TLN2: variants seen among roughly 807,000 people sequenced by gnomAD.
TLN2 encodes the protein talin 2, also known as talin-2.
In TLN2, 118 loss-of-function variants were observed where a neutral mutation model predicts 294.7. That is an observed-to-expected ratio of 0.40 (90% CI 0.34 to 0.47). The LOEUF is 0.47. Ranked by LOEUF, TLN2 falls within the 20% of genes least tolerant of loss-of-function variation. The pLI is 0.84. For synonymous variants in TLN2, 1,431 were observed against 1,304.5 expected (o/e 1.10, Z -2.09); for missense variants, 3,083 against 3,282.2 (o/e 0.94, Z 1.48).
chr15:62,746,242 T>G (rs1015133551), intron 32 of TLN2, among the ~76,000 whole-genome samples: 1 of 152,216 alleles, frequency 6.6e-6, no homozygotes, highest in Admixed American at 6.5e-5. Flanking sequence ...AGCACATATG[T>G]TGATATATGC....
At chr15:62,754,775 A>G (rs942922323) in intron 36 of TLN2, 2 of 152,352 alleles carry the variant, frequency 1.3e-5, no homozygotes, top group Non-Finnish European at 2.9e-5. Context: ...GCAAAGCAGA[A>G]CAGGTGGATT....
intron 51 of TLN2, among the ~76,000 whole-genome samples, chr15:62,808,427 T>C (rs1567651443): frequency 6.6e-6 from 1 of 152,252 alleles, no homozygotes; most frequent in Non-Finnish European, 1.5e-5. Context: ...TAAACATCTT[T>C]GGGCATATCT....
intron 1 of TLN2, among the ~76,000 whole-genome samples, chr15:62,501,310 A>G (rs2039294259): frequency 6.6e-6 from 1 of 152,160 alleles, no homozygotes. Context: ...TGAGCAGGCC[A>G]CATGTGTCTC....
At chr15:62,414,568 G>C (rs2033973469) in intron 1 of TLN2, among the ~76,000 whole-genome samples, 1 of 140,822 alleles carries the variant, frequency 7.1e-6, no homozygotes, top group Non-Finnish European at 1.5e-5. Flanking sequence ...GTTTTAACAA[G>C]TTCTCAGGGG....
chr15:62,767,075 C>T (rs1288097305), intron 41 of TLN2, among the ~76,000 whole-genome samples: 2 of 152,130 alleles, frequency 1.3e-5, no homozygotes, highest in African/African-American at 2.4e-5. Context: ...TTTTTAACCA[C>T]CTTGGGTTTC....
In TLN2 at chr15:62,763,663, A is replaced by C. The variant is rs1435550666; in HGVS notation, c.5062A>C (p.Ser1688Arg). 1.2e-6 allele frequency: 2 copies of C among 1,612,472 alleles called. No individual in the cohort carries two copies. The highest frequency in any genetic ancestry group is 1.7e-5 in the Admixed American group (1 of 59,918). Residue 1688 changes from serine to arginine, a missense_variant, in exon 40 of 59, where the codon AGC becomes CGC. Ser to Arg is a moderately radical substitution (Grantham distance 110). Coordinates refer to ENST00000636159, the MANE Select transcript of TLN2 (RefSeq NM_015059.3). The stretch of plus-strand genomic sequence containing the variant: ...GGCCTCGCTGGCCGCCGTCAGCCAG[A>C]GCCTGGCCACGAGGGACGACATCTC... ...EQASLAAVSQ[S>R]LATRDDISVE...
intron 32 of TLN2, among the ~76,000 whole-genome samples, chr15:62,746,386 G>C (rs944888229): frequency 6.6e-6 from 1 of 152,168 alleles, no homozygotes; most frequent in Non-Finnish European, 1.5e-5. Context: ...TTGTCCGGCT[G>C]TCTCCTTGTT....
At chr15:62,431,131 A>C (rs1479867784) in intron 1 of TLN2, among the ~76,000 whole-genome samples, 1 of 152,082 alleles carries the variant, frequency 6.6e-6, no homozygotes, top group African/African-American at 2.4e-5. Context: ...ACAGGTAAAC[A>C]TCTCTCTGAA....
chr15:62,761,682 C>G lies in TLN2; in HGVS notation c.4640C>G (p.Ala1547Gly), dbSNP rs1434268589. The change falls in exon 38 of 59, where the codon GCC becomes GGC. Residue 1547 changes from alanine to glycine, a missense_variant and splice_region_variant. Physicochemically the swap from Ala to Gly is moderately conservative, Grantham distance 60. Coordinates refer to ENST00000636159, the MANE Select transcript of TLN2 (RefSeq NM_015059.3). ...AATCTCCCTGTTTTCTCCCATCAGG[C>G]CCTGGATGGGGATTTCTCTGAAGAC... ...STANLVKTIK[A>G]LDGDFSEDNR... 2 of 1,614,030 alleles carry G rather than the reference C, an allele frequency of 1.2e-6. No homozygotes were observed. Among genetic ancestry groups the G allele is most frequent in the East Asian group, 4.5e-5 (2 of 44,900 alleles).
intron 28 of TLN2, among the ~76,000 whole-genome samples, chr15:62,735,744 G>C (rs1375266139): frequency 1.3e-5 from 2 of 152,128 alleles, no homozygotes; most frequent in Non-Finnish European, 2.9e-5. Context: ...ATATCTAAGA[G>C]AAGTGATCCC....
At chr15:62,537,495 A>G (rs902356787) in intron 1 of TLN2, among the ~76,000 whole-genome samples, 3 of 152,240 alleles carry the variant, frequency 2.0e-5, no homozygotes, top group Non-Finnish European at 4.4e-5. Flanking sequence ...GAGTAATGCC[A>G]TAAAGTATCT....
chr15:62,640,774 A>G (rs1287805208), intron 3 of TLN2, among the ~76,000 whole-genome samples: 2 of 152,178 alleles, frequency 1.3e-5, no homozygotes, highest in African/African-American at 4.8e-5. Context: ...GAATAAACAC[A>G]GGAACTATGT....
chr15:62,742,874 G>A (rs2061419031), intron 32 of TLN2, among the ~76,000 whole-genome samples: 2 of 152,190 alleles, frequency 1.3e-5, no homozygotes, highest in South Asian at 2.1e-4. Flanking sequence ...AGAGGGTCAG[G>A]CAGGCTCCTC....
At chr15:62,593,947 T>A (rs1392899512) in intron 2 of TLN2, among the ~76,000 whole-genome samples, 2 of 152,160 alleles carry the variant, frequency 1.3e-5, no homozygotes, top group African/African-American at 2.4e-5. Flanking sequence ...ATTTAAAAAA[T>A]TTAATCAAAA....
intron 2 of TLN2, among the ~76,000 whole-genome samples, chr15:62,610,042 T>C (rs2047790649): frequency 6.6e-6 from 1 of 152,228 alleles, no homozygotes; most frequent in Non-Finnish European, 1.5e-5. Flanking sequence ...AGACTCATCT[T>C]GTACTTACCC....
rs1491249776 is a variant in TLN2, at chr15:62,551,547, C to CAT, written c.-237-38139_-237-38138insTA. Among the ~76,000 whole-genome samples, 4 of 138,400 alleles carry CAT rather than the reference C, an allele frequency of 2.9e-5. No homozygotes were observed. The Admixed American group carries it at 2.9e-4, about 10-fold the overall frequency. The allele number at this position is 138,400 out of a possible 152,430, so 90.8% of individuals were successfully genotyped here. A position where few individuals can be genotyped will look rare whatever the true frequency, so the allele number is the denominator to read the frequency against. On this transcript the variant is annotated intron_variant, in intron 1 of 58. Transcript: ENST00000636159. Reference sequence around the variant, plus strand: ...ACACACACACACACACACACACACACAAATAGCCAGATGTGGTGGCAGGCA... The same window carrying CAT: ...ACACACACACACACACACACACACACATAAATAGCCAGATGTGGTGGCAGGCA...
In TLN2 at chr15:62,780,067, C is replaced by T. The variant is rs117691530; in HGVS notation, c.5515-1073C>T. On this transcript the variant is annotated intron_variant, in intron 43 of 58. Coordinates refer to ENST00000636159, the MANE Select transcript of TLN2 (RefSeq NM_015059.3). ...AATACGTCATTGCTTACCCCAGATC[C>T]CACTGTTGTCGTCATGATTTCAAGG... Among the ~76,000 whole-genome samples the T allele has an allele frequency of 4.1e-3, 618 of 152,326 alleles. 4 individuals carry two copies. The highest frequency in any genetic ancestry group is 6.4e-3 in the Non-Finnish European group (436 of 68,032).
intron 52 of TLN2, among the ~76,000 whole-genome samples, chr15:62,811,433 G>A (rs1459784016): frequency 6.6e-6 from 1 of 152,232 alleles, no homozygotes; most frequent in South Asian, 2.1e-4. Context: ...GGAGGTTAAA[G>A]ACAGTAACAC....
chr15:62,574,104 A>G (rs906076627), intron 1 of TLN2, among the ~76,000 whole-genome samples: 1 of 150,344 alleles, frequency 6.7e-6, no homozygotes, highest in African/African-American at 2.4e-5. Context: ...TTAACTCTCA[A>G]CTCCTCGGTA....
Sources: allele counts gnomAD v4.1 joint callset (sites outside exome capture counted in the v4.1 genomes callset), GRCh38; gene constraint gnomAD v4.1.1; transcripts MANE v1.5; gene names NCBI Gene and HGNC (gene_info 2026-07-23, HGNC 2026-07-21).